Variants in CNTN6 observed in about 807,000 individuals in gnomAD.
CNTN6 encodes contactin-6.
In CNTN6, 137 loss-of-function variants were observed where a neutral mutation model predicts 122.8. The observed-to-expected ratio is 1.12, with a 90% CI of 0.97 to 1.29. The LOEUF (loss-of-function observed/expected upper bound fraction) is 1.29. Ranked by LOEUF, CNTN6 falls within the 50% of genes most tolerant of loss-of-function variation. The probability of loss-of-function intolerance (pLI) is 0.00; values close to 1 mark genes in which losing one functional copy is unlikely to be tolerated. For missense variants in CNTN6, 1,634 were observed against 1,223.4 expected (o/e 1.34, Z -5.01); for synonymous variants, 570 against 426.0 (o/e 1.34, Z -4.16).
intron 2 of CNTN6, among the ~76,000 whole-genome samples, chr3:1,153,040 A>G (rs1277830544): frequency 6.6e-6 from 1 of 152,254 alleles, no homozygotes; most frequent in Non-Finnish European, 1.5e-5. Context: ...TTTAAATGGT[A>G]GTTTATAAAA....
intron 11 of CNTN6, 137 bp from the exon 12 acceptor site, chr3:1,352,187 A>C (rs113791290): frequency 7.5e-6 from 5 of 667,596 alleles, no homozygotes; most frequent in Non-Finnish European, 1.1e-5. Flanking sequence ...AATGAAGAAC[A>C]GAATAATAGG....
chr3:1,243,956 G>C (rs555882591), intron 4 of CNTN6, among the ~76,000 whole-genome samples: 3 of 152,216 alleles, frequency 2.0e-5, no homozygotes, highest in East Asian at 3.9e-4. Context: ...GGGAGGAATC[G>C]CATTGGGAAC....
rs754797179 is a variant in CNTN6, at chr3:1,382,997, G to C, written c.2222G>C (p.Arg741Pro). 2 of 1,613,968 alleles carry C rather than the reference G, an allele frequency of 1.2e-6. No homozygotes were observed. Among genetic ancestry groups the C allele is most frequent in the Non-Finnish European group, 1.7e-6 (2 of 1,179,944 alleles). Residue 741 changes from arginine to proline, a missense_variant, in exon 18 of 23, where the codon CGG becomes CCG. Coordinates refer to ENST00000446702, the MANE Select transcript of CNTN6 (RefSeq NM_001289080.2). ...GEGFGYIIMF[R>P]PVGSTTWSKE... Reference sequence around the variant, plus strand: ...GGATTTGGATATATCATCATGTTCCGGCCAGTGGGCTCGACAACCTGGTCC... The same window carrying C: ...GGATTTGGATATATCATCATGTTCCCGCCAGTGGGCTCGACAACCTGGTCC...
chr3:1,403,515 C>G lies in CNTN6; in HGVS notation c.*97C>G. 2 of 597,512 alleles carry G rather than the reference C, an allele frequency of 3.3e-6. No homozygotes were observed. The highest frequency in any genetic ancestry group is 5.7e-6 in the Non-Finnish European group (2 of 352,678). 37.0% of individuals were successfully genotyped at this position (597,512 alleles called of 1,614,324 possible). On this transcript the variant is annotated 3_prime_UTR_variant, in exon 23 of 23. Transcript: ENST00000446702. The stretch of plus-strand genomic sequence containing the variant: ...ACACAAGATGCGTTCTTAATACAGA[C>G]TTGTTTGCAAAGAAAAAAAAAAGTA...
At chr3:1,378,920 A>G (rs894235619) in intron 17 of CNTN6, among the ~76,000 whole-genome samples, 2 of 152,150 alleles carry the variant, frequency 1.3e-5, no homozygotes, top group Non-Finnish European at 2.9e-5. Context: ...TACTCCAAAC[A>G]TATTTCCCAT....
chr3:1,132,460 G>C (rs9869438), intron 1 of CNTN6, among the ~76,000 whole-genome samples: 40,578 of 151,668 alleles, frequency 0.27, 6,498 homozygotes, highest in African/African-American at 0.44. Context: ...TATGGTGGTT[G>C]AAGCCTGTGA....
At chr3:1,154,448 CTT>C (rs771133835) in intron 2 of CNTN6, among the ~76,000 whole-genome samples, 6 of 140,442 alleles carry the variant, frequency 4.3e-5, no homozygotes, top group Non-Finnish European at 3.1e-5. Context: ...TCTTTTCTTT[CTT>C]TTTTTTTTTT....
At position 1,383,087 on chromosome 3, in the gene CNTN6, T is replaced by C. The variant is rs1433120891; in HGVS notation, c.2312T>C (p.Leu771Pro). The C allele has an allele frequency of 6.2e-7, 1 of 1,613,922 alleles. No individual in the cohort carries two copies. Among genetic ancestry groups the C allele is most frequent in the Non-Finnish European group, 8.5e-7 (1 of 1,179,914 alleles). Residue 771 changes from leucine (L) to proline (P), a missense_variant, in exon 18 of 23, where the codon CTG becomes CCG. Coordinates refer to ENST00000446702, the MANE Select transcript of CNTN6 (RefSeq NM_001289080.2). ...TACAGAAATGAAAGCATCATCCCAC[T>C]GTCTCCCTTTGAAGTCAAAGTGGGT... Reference protein sequence around the residue: ...FVYRNESIIPLSPFEVKVGVY... With the variant: ...FVYRNESIIPPSPFEVKVGVY...
intron 2 of CNTN6, among the ~76,000 whole-genome samples, chr3:1,148,677 C>T (rs1038308593): frequency 1.2e-4 from 18 of 152,112 alleles, no homozygotes; most frequent in Admixed American, 4.6e-4. Flanking sequence ...TAATAAGCCA[C>T]GCCAAATGTG....
chr3:1,202,583 T>C lies in CNTN6; in HGVS notation c.56-18104T>C, dbSNP rs954974969. Among the ~76,000 whole-genome samples the C allele has an allele frequency of 2.1e-5, 3 of 140,720 alleles. No individual in the cohort carries two copies. In the South Asian group the frequency reaches 7.0e-4, roughly 33 times the overall value. The allele number at this position is 140,720 out of a possible 152,430, so 92.3% of individuals were successfully genotyped here. A position where few individuals can be genotyped will look rare whatever the true frequency, so the allele number is the denominator to read the frequency against. ...ATAAATAAATAAATAAATAAATAAA[T>C]AAATACAAATAAAATAAAATAAAAT... On this transcript the variant is annotated intron_variant, in intron 2 of 22. Coordinates refer to ENST00000446702, the MANE Select transcript of CNTN6 (RefSeq NM_001289080.2).
intron 2 of CNTN6, among the ~76,000 whole-genome samples, chr3:1,191,654 G>C (rs1466394211): frequency 6.6e-6 from 1 of 152,166 alleles, no homozygotes; most frequent in Non-Finnish European, 1.5e-5. Flanking sequence ...CTCCTAATTT[G>C]TAGCCAAGTT....
At chr3:1,236,271 G>C (rs2094420605) in intron 4 of CNTN6, among the ~76,000 whole-genome samples, 1 of 152,152 alleles carries the variant, frequency 6.6e-6, no homozygotes, top group Admixed American at 6.5e-5. Context: ...CCTGACTGGA[G>C]GCCAACCAAC....
chr3:1,125,139 T>C (rs920380658), intron 1 of CNTN6, among the ~76,000 whole-genome samples: 1 of 152,002 alleles, frequency 6.6e-6, no homozygotes, highest in African/African-American at 2.4e-5. Context: ...ACCTCAGATA[T>C]GCCTGAGAAA....
intron 11 of CNTN6, among the ~76,000 whole-genome samples, chr3:1,345,263 C>T (rs542293864): frequency 4.6e-5 from 7 of 151,952 alleles, no homozygotes; most frequent in African/African-American, 1.4e-4. Context: ...ATTACAGGCA[C>T]GAACCACCAT....
rs1559421462 is a variant in CNTN6 at position 1,158,801 on chromosome 3, T to TACACACATATATAC, written c.55+10751_55+10752insCACACACATATATA. On this transcript the variant is annotated intron_variant, in intron 2 of 22. Coordinates refer to ENST00000446702, the MANE Select transcript of CNTN6 (RefSeq NM_001289080.2). ...ATGTGTGTATATATGTGTATATATATACACACATATATATACACACACATA... is the reference window on the plus strand; with the variant it reads ...ATGTGTGTATATATGTGTATATATATACACACATATATACACACACATATATATACACACACATA... Among the ~76,000 whole-genome samples the TACACACATATATAC allele has an allele frequency of 1.6e-4, 21 of 132,982 alleles. 1 individual carries two copies. Among genetic ancestry groups the TACACACATATATAC allele is most frequent in the Admixed American group, 1.0e-3 (14 of 13,400 alleles). The allele number at this position is 132,982 out of a possible 152,430, so 87.2% of individuals were successfully genotyped here.
At chr3:1,368,440 C>T (rs1230857514) in intron 12 of CNTN6, among the ~76,000 whole-genome samples, 2 of 152,158 alleles carry the variant, frequency 1.3e-5, no homozygotes, top group Non-Finnish European at 2.9e-5. Context: ...GTGTATAATT[C>T]ATCAGAAACT....
chr3:1,242,539 T>C (rs1479477479), intron 4 of CNTN6, among the ~76,000 whole-genome samples: 1 of 152,136 alleles, frequency 6.6e-6, no homozygotes, highest in Admixed American at 6.5e-5. Context: ...AAGCGTGCTG[T>C]GGGATGGGAT....
At chr3:1,213,537 G>T (rs1575263704) in intron 2 of CNTN6, among the ~76,000 whole-genome samples, 1 of 151,434 alleles carries the variant, frequency 6.6e-6, no homozygotes, top group East Asian at 1.9e-4. Flanking sequence ...GAAATATTAT[G>T]CAAAGAAAAT....
intron 1 of CNTN6, among the ~76,000 whole-genome samples, chr3:1,124,379 A>G (rs546337048): frequency 2.8e-4 from 43 of 151,936 alleles, no homozygotes; most frequent in South Asian, 2.3e-3. Context: ...CTCCAAACAC[A>G]TAACTTTGTG....
Sources: gnomAD v4.1 joint callset for allele counts (sites outside exome capture counted in the v4.1 genomes callset) on GRCh38, gnomAD v4.1.1 for gene constraint, MANE v1.5 for transcripts, NCBI Gene and HGNC (gene_info 2026-07-23, HGNC 2026-07-21) for gene names.